Variants in CASP10 observed in about 807,000 individuals in gnomAD.
CASP10 encodes the protein caspase 10.
CASP10 carries 41 observed loss-of-function variants against 48.5 expected under a neutral mutation model. The ratio of observed to expected loss-of-function variants is 0.85; its 90% confidence interval spans 0.66 to 1.10. The LOEUF is 1.10. Among genes scored for constraint, CASP10 ranks in the 50% least tolerant of loss-of-function variants. CASP10 has a pLI of 0.00. For synonymous variants in CASP10, 232 were observed against 238.4 expected, an observed-to-expected ratio of 0.97 and a Z score of 0.25; for missense variants, 614 against 614.5, an observed-to-expected ratio of 1.00 and a Z score of 0.01.
In CASP10 at chr2:201,219,095, C is replaced by A. The variant is rs1415841130; in HGVS notation, c.*1354C>A. 3.5e-6 allele frequency: 2 copies of A among 572,028 alleles called. No homozygotes were observed. Among genetic ancestry groups the A allele is most frequent in the Non-Finnish European group, 4.4e-6 (2 of 452,548 alleles). The allele number at this position is 572,028 out of a possible 1,614,324, so 35.4% of individuals were successfully genotyped here. On this transcript the variant is annotated 3_prime_UTR_variant, in exon 10 of 10. Coordinates refer to ENST00000286186, the MANE Select transcript of CASP10 (RefSeq NM_032977.4). ...GACCAGCCTGGCCAATACGGCAAAA[C>A]CTCATCATTACTAAAAACACAAAAA...
At chr2:201,189,254 T>C (rs994810852) in intron 3 of CASP10, among the ~76,000 whole-genome samples, 8 of 143,704 alleles carry the variant, frequency 5.6e-5, no homozygotes, top group Non-Finnish European at 1.0e-4. Context: ...GAATCCTTGA[T>C]TCTTTTCTTT....
intron 3 of CASP10, 67 bp from the exon 4 acceptor site, chr2:201,192,917 C>A: frequency 6.6e-7 from 1 of 1,519,726 alleles, no homozygotes; most frequent in Non-Finnish European, 9.1e-7. Context: ...ACTGGCCATG[C>A]AGATAACATT....
At position 201,202,071 on chromosome 2, in the gene CASP10, C is replaced by T. The variant is rs41409649; in HGVS notation, c.685-1659C>T. On this transcript the variant is annotated intron_variant, in intron 5 of 9. Transcript: ENST00000286186. ...TTCGCCATGTTGGCCAGGCTGGTCT[C>T]GAACTCCTGACCTCAGGTGATCCAC... Among the ~76,000 whole-genome samples the T allele has an allele frequency of 9.3e-4, 142 of 152,024 alleles. 2 individuals carry two copies. In the East Asian group the frequency reaches 0.025, roughly 27 times the overall value.
At chr2:201,209,625 C>A in intron 9 of CASP10, 63 bp downstream of exon 9, 2 of 1,500,068 alleles carry the variant, frequency 1.3e-6, no homozygotes, top group South Asian at 2.5e-5. Flanking sequence ...TTATTTTACT[C>A]TCATTCAACA....
intron 3 of CASP10, among the ~76,000 whole-genome samples, chr2:201,190,489 A>G (rs1383951620): frequency 2.6e-5 from 4 of 152,192 alleles, no homozygotes; most frequent in African/African-American, 7.2e-5. Context: ...TGGTAGCATT[A>G]TACCTTAAAT....
Position 201,218,971 on chromosome 2 carries a change from T to C in CASP10, c.*1230T>C, listed in dbSNP as rs1945652676. 3 of 985,374 alleles carry C rather than the reference T, an allele frequency of 3.0e-6. No individual in the cohort carries two copies. The highest frequency in any genetic ancestry group is 4.7e-5 in the South Asian group (1 of 21,292). The allele number at this position is 985,374 out of a possible 1,614,324, so 61.0% of individuals were successfully genotyped here. A position where few individuals can be genotyped will look rare whatever the true frequency, so the allele number is the denominator to read the frequency against. On this transcript the variant is annotated 3_prime_UTR_variant, in exon 10 of 10. Coordinates refer to ENST00000286186, the MANE Select transcript of CASP10 (RefSeq NM_032977.4). ...TGCAAGCAGAAACTTTACAACCTGA[T>C]GTCATATTCCATTTTGGACTGGGTG...
At chr2:201,192,616 C>G (rs541123640) in intron 3 of CASP10, among the ~76,000 whole-genome samples, 8 of 152,204 alleles carry the variant, frequency 5.3e-5, no homozygotes, top group Admixed American at 2.0e-4. Flanking sequence ...ATTGTACCAG[C>G]TCTGCCATTA....
rs565594606 is a variant in CASP10 at position 201,218,861 on chromosome 2, G to A, written c.*1120G>A. On this transcript the variant is annotated 3_prime_UTR_variant, in exon 10 of 10. Coordinates refer to ENST00000286186, the MANE Select transcript of CASP10 (RefSeq NM_032977.4). ...GGCCCATTTCCTGCTTTTGTGTAAG[G>A]AAGGTGCTCACATAGGAAGTTTTTA... is the stretch of plus-strand genomic sequence containing the variant. 3.0e-6 allele frequency: 3 copies of A among 985,432 alleles called. No individual in the cohort carries two copies. In the South Asian group the frequency reaches 1.4e-4, roughly 46 times the overall value. 61.0% of individuals were successfully genotyped at this position (985,432 alleles called of 1,614,324 possible).
rs1945323812 is a variant in CASP10, at chr2:201,209,432, A to G, written c.1285A>G (p.Ser429Gly). The change falls in exon 9 of 10, where the codon AGT becomes GGT. Residue 429 changes from serine (S) to glycine (G), a missense_variant. Transcript: ENST00000286186. Reference sequence around the variant, plus strand: ...GCAGGCACCCACTTCCCTGCAGGACAGTATTCCTGCCGAGGCTGACTTCCT... The same window carrying G: ...GCAGGCACCCACTTCCCTGCAGGACGGTATTCCTGCCGAGGCTGACTTCCT... The part of the protein sequence containing the change: ...PEQAPTSLQD[S>G]IPAEADFLLG... The G allele has an allele frequency of 1.9e-6, 3 of 1,614,104 alleles. No homozygotes were observed. Among genetic ancestry groups the G allele is most frequent in the Non-Finnish European group, 1.7e-6 (2 of 1,179,978 alleles).
intron 6 of CASP10, among the ~76,000 whole-genome samples, chr2:201,204,465 G>A (rs1945133706): frequency 6.6e-6 from 1 of 152,104 alleles, no homozygotes; most frequent in African/African-American, 2.4e-5. Flanking sequence ...CATTGACCAG[G>A]TCACCATTAT....
chr2:201,206,032 C>A, intron 7 of CASP10, 59 bp downstream of exon 7: 2 of 1,088,998 alleles, frequency 1.8e-6, no homozygotes, highest in South Asian at 2.7e-5. Context: ...CAAATTTAAT[C>A]AAAAGGACGG....
At chr2:201,205,345 G>A (rs1169728215) in intron 6 of CASP10, among the ~76,000 whole-genome samples, 1 of 150,714 alleles carries the variant, frequency 6.6e-6, no homozygotes, top group East Asian at 1.9e-4. Context: ...CCACCTCAAC[G>A]TCCCAGGAAG....
intron 1 of CASP10, among the ~76,000 whole-genome samples, chr2:201,184,445 C>T (rs900148692): frequency 2.6e-5 from 4 of 151,880 alleles, no homozygotes; most frequent in African/African-American, 7.3e-5. Context: ...TGCTTCAGCC[C>T]TCTGAGTAGT....
intron 5 of CASP10, among the ~76,000 whole-genome samples, chr2:201,201,406 C>T (rs1027557268): frequency 6.6e-6 from 1 of 152,046 alleles, no homozygotes; most frequent in African/African-American, 2.4e-5. Flanking sequence ...AAATTGTCTG[C>T]TAAATGTAAC....
exon 10 of CASP10, chr2:201,229,272 G>A (rs368996794): frequency 1.5e-6 from 1 of 645,578 alleles, no homozygotes. Flanking sequence ...CATCTTTCTT[G>A]TTTCATCGTA....
At chr2:201,214,787 A>G (rs978294764) in intron 9 of CASP10, 8 of 152,130 alleles carry the variant, frequency 5.3e-5, no homozygotes, top group Admixed American at 4.6e-4. Flanking sequence ...TACATTTGCT[A>G]GGGTGAAGTG....
chr2:201,221,649 T>C lies in CASP10; in HGVS notation c.*3908T>C, dbSNP rs1269773612. 1 of 152,218 alleles carries C rather than the reference T, an allele frequency of 6.6e-6. No individual in the cohort carries two copies. Among genetic ancestry groups the C allele is most frequent in the East Asian group, 1.9e-4 (1 of 5,192 alleles). 9.4% of individuals were successfully genotyped at this position (152,218 alleles called of 1,614,324 possible). On this transcript the variant is annotated 3_prime_UTR_variant, in exon 10 of 10. Coordinates refer to ENST00000286186, the MANE Select transcript of CASP10 (RefSeq NM_032977.4). Reference sequence around the variant, plus strand: ...ACCTGCACCCAGGTGATTAAAAAGCTTTATTGCTCACACAAAGCCTGTTTG... The same window carrying C: ...ACCTGCACCCAGGTGATTAAAAAGCCTTATTGCTCACACAAAGCCTGTTTG...
intron 1 of CASP10, among the ~76,000 whole-genome samples, chr2:201,184,008 A>G (rs1216981414): frequency 6.6e-6 from 1 of 151,640 alleles, no homozygotes; most frequent in Non-Finnish European, 1.5e-5. Flanking sequence ...CAATCCTCCC[A>G]TCTCAGCTTC....
At position 201,221,229 on chromosome 2, in the gene CASP10, G is replaced by A. The variant is rs773594343; in HGVS notation, c.*3488G>A. On this transcript the variant is annotated 3_prime_UTR_variant, in exon 10 of 10. Coordinates refer to ENST00000286186, the MANE Select transcript of CASP10 (RefSeq NM_032977.4). ...GATCTAATTCTTCCCTCACTGGTTC[G>A]TGATGTCTACCGCAGCAGAAGGCCA... is the stretch of plus-strand genomic sequence containing the variant. 227 of 985,280 alleles carry A rather than the reference G, an allele frequency of 2.3e-4. No homozygotes were observed. Among genetic ancestry groups the A allele is most frequent in the Middle Eastern group, 5.2e-4 (1 of 1,936 alleles). 61.0% of individuals were successfully genotyped at this position (985,280 alleles called of 1,614,324 possible).
Sources: allele counts gnomAD v4.1 joint callset (sites outside exome capture counted in the v4.1 genomes callset), GRCh38; gene constraint gnomAD v4.1.1; transcripts MANE v1.5; gene names NCBI Gene and HGNC (gene_info 2026-07-23, HGNC 2026-07-21).